Variants in HOXA3 observed in about 807,000 individuals in gnomAD.
The protein encoded by HOXA3 is homeobox A3.
Under a neutral mutation model 30.3 loss-of-function variants are expected in HOXA3, and 8 were observed. The observed-to-expected ratio is 0.26, with a 90% CI of 0.15 to 0.48. HOXA3 has a LOEUF of 0.48. HOXA3 is among the 20% of genes least tolerant of loss of function. The pLI is 0.99. For synonymous variants in HOXA3, 323 were observed against 273.1 expected, an observed-to-expected ratio of 1.18 and a Z score of -1.80; for missense variants, 653 against 614.4, an observed-to-expected ratio of 1.06 and a Z score of -0.66.
At chr7:27,138,275 G>A (rs534531169) in intron 2 of HOXA3, among the ~76,000 whole-genome samples, 33 of 152,286 alleles carry the variant, frequency 2.2e-4, no homozygotes, top group African/African-American at 7.7e-4. Context: ...ACTTGTGGGA[G>A]GGTTTTGATT....
At chr7:27,152,112 C>CTG (rs1179545938) in intron 1 of HOXA3, among the ~76,000 whole-genome samples, 176 bp downstream of exon 1, 11 of 146,352 alleles carry the variant, frequency 7.5e-5, no homozygotes, top group Non-Finnish European at 1.7e-4. Context: ...GCGTGTGTGC[C>CTG]TGTGTGTGTG....
chr7:27,141,254 G>T (rs1158410216), intron 1 of HOXA3: 1 of 152,422 alleles, frequency 6.6e-6, no homozygotes, highest in Non-Finnish European at 1.5e-5. Flanking sequence ...TCGTGCAAAG[G>T]GTCCTATAAA....
chr7:27,127,875 C>T (rs1429238772), intron 2 of HOXA3, among the ~76,000 whole-genome samples: 4 of 152,174 alleles, frequency 2.6e-5, no homozygotes, highest in African/African-American at 9.7e-5. Context: ...TCAGAAGAGA[C>T]ATTGGAGAGT....
chr7:27,122,399 A>G (rs564112067), intron 4 of HOXA3, 160 bp downstream of exon 4: 2 of 152,326 alleles, frequency 1.3e-5, no homozygotes, highest in African/African-American at 4.8e-5. Flanking sequence ...TCGCAGGGCA[A>G]GAAGCTTAAA....
intron 1 of HOXA3, chr7:27,143,414 C>G: frequency 6.2e-7 from 1 of 1,611,668 alleles, no homozygotes; most frequent in Non-Finnish European, 8.5e-7. Context: ...CTCTCCGGAG[C>G]CAAAGTGGCC....
At chr7:27,129,161 C>G in intron 2 of HOXA3, 1 of 991,158 alleles carries the variant, frequency 1.0e-6, no homozygotes, top group South Asian at 1.3e-5. Flanking sequence ...GGATGAGGAA[C>G]GGAGCAGGAG....
In HOXA3 at chr7:27,110,635, T is replaced by G. The variant is rs977011633; in HGVS notation, c.6A>C (p.Gln2His). 1 of 1,601,258 alleles carries G rather than the reference T, an allele frequency of 6.2e-7. No homozygotes were observed. The highest frequency in any genetic ancestry group is 1.3e-5 in the African/African-American group (1 of 74,722). Reference sequence around the variant, plus strand: ...CCGAGCTGTCGTAGTAGGTCGCTTTTTGCATCGCGTTGTTTCACGATCTTG... The same window carrying G: ...CCGAGCTGTCGTAGTAGGTCGCTTTGTGCATCGCGTTGTTTCACGATCTTG... MQKATYYDSSAI... is the reference protein window; with the variant it reads MHKATYYDSSAI... Residue 2 changes from glutamine (Q) to histidine (H), a missense_variant, in exon 5 of 6, where the codon CAA becomes CAC. Physicochemically the swap from Gln to His is conservative, Grantham distance 24. Coordinates refer to ENST00000612286, the MANE Select transcript of HOXA3 (RefSeq NM_153631.3).
At chr7:27,152,218 T>A in intron 1 of HOXA3, 70 bp downstream of exon 1, 1 of 1,048,606 alleles carries the variant, frequency 9.5e-7, no homozygotes, top group Non-Finnish European at 1.3e-6. Context: ...CTGGGTGCCC[T>A]CTCCCACCGC....
rs776644792 is a variant in HOXA3 at position 27,107,875 on chromosome 7, T to TGG, written c.*38_*39dup. The stretch of plus-strand genomic sequence containing the variant: ...AAAGCAACCAAAGAAAAAAGGTGGG[T>TGG]GGGGGGAGACTCTCCTGGCGCGTAG... On this transcript the variant is annotated 3_prime_UTR_variant, in exon 6 of 6. Transcript: ENST00000612286. 16 of 824,132 alleles carry TGG rather than the reference T, an allele frequency of 1.9e-5. No homozygotes were observed. The highest frequency in any genetic ancestry group is 1.5e-5 in the Non-Finnish European group (9 of 596,244). 51.1% of individuals were successfully genotyped at this position (824,132 alleles called of 1,614,324 possible). A position where few individuals can be genotyped will look rare whatever the true frequency, so the allele number is the denominator to read the frequency against.
intron 1 of HOXA3, chr7:27,142,128 T>G (rs1782592911): frequency 6.3e-7 from 1 of 1,591,832 alleles, no homozygotes; most frequent in Admixed American, 1.7e-5. Flanking sequence ...ACTCCTGTCT[T>G]CCAAAGTCCG....
chr7:27,119,974 C>G (rs1784921608), intron 4 of HOXA3, among the ~76,000 whole-genome samples: 1 of 152,156 alleles, frequency 6.6e-6, no homozygotes, highest in African/African-American at 2.4e-5. Context: ...ACCTGCCTCT[C>G]TCAGGTTTGG....
intron 2 of HOXA3, among the ~76,000 whole-genome samples, chr7:27,133,856 C>G (rs1261259483): frequency 6.6e-6 from 1 of 152,212 alleles, no homozygotes; most frequent in Admixed American, 6.5e-5. Flanking sequence ...TGTTAAATCA[C>G]AAGGCGCGCC....
At chr7:27,109,114 G>T (rs1044911614) in intron 5 of HOXA3, among the ~76,000 whole-genome samples, 6 of 152,134 alleles carry the variant, frequency 3.9e-5, no homozygotes, top group African/African-American at 1.4e-4. Context: ...GAAACCTAAT[G>T]TACACACTCA....
intron 4 of HOXA3, among the ~76,000 whole-genome samples, chr7:27,114,827 AATAT>A (rs1198975434): frequency 2.0e-5 from 2 of 98,520 alleles, no homozygotes; most frequent in Non-Finnish European, 4.0e-5. Context: ...ATATATATAT[AATAT>A]ATATTATATA....
Position 27,108,816 on chromosome 7 carries a change from A to G in HOXA3, c.527-96T>C. On this transcript the variant is annotated intron_variant, in intron 5 of 5. Transcript: ENST00000612286. The surrounding 1 kb of genome is among the most constrained non-coding windows in gnomAD (Gnocchi z 5.0). ...GGCCCCTCCTTCCACCAGGCCCCAA[A>G]GGTTCCTGCATCCGTCAGGTCCCAG... 2 of 884,886 alleles carry G rather than the reference A, an allele frequency of 2.3e-6. No individual in the cohort carries two copies. Among genetic ancestry groups the G allele is most frequent in the Non-Finnish European group, 3.4e-6 (2 of 589,234 alleles). The allele number at this position is 884,886 out of a possible 1,614,324, so 54.8% of individuals were successfully genotyped here.
At chr7:27,130,222 C>T in intron 2 of HOXA3, 8 of 1,466,740 alleles carry the variant, frequency 5.5e-6, no homozygotes, top group Non-Finnish European at 7.2e-6. Flanking sequence ...CGCGGGGGCG[C>T]TGCCCCCTGC....
intron 2 of HOXA3, chr7:27,129,651 G>A: frequency 6.7e-7 from 1 of 1,500,012 alleles, no homozygotes; most frequent in Non-Finnish European, 9.1e-7. Flanking sequence ...AGAGAAGGTG[G>A]GGTGGGGAAG....
chr7:27,130,196 C>T, intron 2 of HOXA3: 5 of 1,572,474 alleles, frequency 3.2e-6, no homozygotes, highest in Non-Finnish European at 4.3e-6. Context: ...CTCTTGTCGG[C>T]CAAGAGCAGC....
At position 27,140,166 on chromosome 7, in the gene HOXA3, T is replaced by C. The variant is rs1205475608; in HGVS notation, c.-473A>G. Reference sequence around the variant, plus strand: ...CTGGACCTAAAATTGACAGTTTGAATGGCCAGGCGGCACACGTAGCCTGCA... The same window carrying C: ...CTGGACCTAAAATTGACAGTTTGAACGGCCAGGCGGCACACGTAGCCTGCA... On this transcript the variant is annotated 5_prime_UTR_variant, in exon 2 of 6. Coordinates refer to ENST00000612286, the MANE Select transcript of HOXA3 (RefSeq NM_153631.3). 6.6e-6 allele frequency: 1 copy of C among 152,116 alleles called. No homozygotes were observed. The highest frequency in any genetic ancestry group is 1.9e-4 in the East Asian group (1 of 5,192). 9.4% of individuals were successfully genotyped at this position (152,116 alleles called of 1,614,324 possible). A position where few individuals can be genotyped will look rare whatever the true frequency, so the allele number is the denominator to read the frequency against.
Sources: gnomAD v4.1 joint callset for allele counts (sites outside exome capture counted in the v4.1 genomes callset) on GRCh38, gnomAD v4.1.1 for gene constraint, Gnocchi (gnomAD v3.1) non-coding constraint, MANE v1.5 for transcripts, NCBI Gene and HGNC (gene_info 2026-07-23, HGNC 2026-07-21) for gene names.